The following WT1 variants were observed in gnomAD, a reference collection of about 807,000 sequenced individuals.
The protein encoded by WT1 is WT1 transcription factor, also known as Wilms tumor protein.
Under a neutral mutation model 60.8 loss-of-function variants are expected in WT1, and 8 were observed. That is an observed-to-expected ratio of 0.13 (90% confidence interval 0.08 to 0.24). The LOEUF (loss-of-function observed/expected upper bound fraction) is 0.24, where lower values mean the gene tolerates loss of function less well. Ranked by LOEUF, WT1 falls within the 10% of genes least tolerant of loss-of-function variation. WT1 has a pLI of 1.00. For synonymous variants in WT1, 312 were observed against 297.1 expected (o/e 1.05, Z -0.52); for missense variants, 568 against 711.8 (o/e 0.80, Z 2.30).
At chr11:32,434,129 T>C (rs559922909) in intron 1 of WT1, among the ~76,000 whole-genome samples, 1 of 152,226 alleles carries the variant, frequency 6.6e-6, no homozygotes, top group Non-Finnish European at 1.5e-5. Context: ...TTACTGGAGG[T>C]GCATGTGCTC....
rs12293603 is a variant in WT1, at chr11:32,425,155, C to T, written c.887+2801G>A. 2.8e-4 allele frequency among the ~76,000 whole-genome samples: 38 copies of T among 137,916 alleles called. No individual in the cohort carries two copies. The South Asian group carries it at 7.9e-3, about 29-fold the overall frequency. The allele number at this position is 137,916 out of a possible 152,430, so 90.5% of individuals were successfully genotyped here. On this transcript the variant is annotated intron_variant, in intron 3 of 9. Transcript: ENST00000452863. ...TTGTGCCACTGCACTCCAGCCTGGG[C>T]GACAGAGTGAGACTGTCTCGAAAAG...
intron 3 of WT1, among the ~76,000 whole-genome samples, chr11:32,424,137 T>TG (rs1449987026): frequency 1.6e-5 from 2 of 128,890 alleles, no homozygotes. Flanking sequence ...ACTCCAGCCT[T>TG]GCAACAGAGC....
At chr11:32,428,804 G>A (rs1347589817) in intron 1 of WT1, 185 bp from the exon 2 acceptor site, 1 of 852,478 alleles carries the variant, frequency 1.2e-6, no homozygotes, top group Middle Eastern at 3.4e-4. Flanking sequence ...GTCCCTGGAT[G>A]TGACCTTGGG....
intron 6 of WT1, among the ~76,000 whole-genome samples, chr11:32,399,236 A>G (rs1214828644): frequency 6.6e-6 from 1 of 151,732 alleles, no homozygotes; most frequent in Non-Finnish European, 1.5e-5. Flanking sequence ...GAACAGGTGG[A>G]GTGTAGGGAA....
intron 3 of WT1, among the ~76,000 whole-genome samples, chr11:32,427,228 G>A (rs1402550354): frequency 2.0e-5 from 3 of 152,246 alleles, no homozygotes; most frequent in South Asian, 2.1e-4. Context: ...GCGGGCGGCC[G>A]GCCAAGTTCA....
chr11:32,422,861 GA>G (rs1564991097), intron 3 of WT1, among the ~76,000 whole-genome samples: 28 of 152,294 alleles, frequency 1.8e-4, no homozygotes, highest in Non-Finnish European at 1.5e-5. Flanking sequence ...TGCTAAAGAA[GA>G]ATATGCAAAC....
Position 32,428,628 on chromosome 11 carries a change from G to A in WT1, c.662-9C>T, listed in dbSNP as rs1853152535. On this transcript the variant is annotated splice_polypyrimidine_tract_variant and intron_variant, in intron 1 of 9. Coordinates refer to ENST00000452863, the MANE Select transcript of WT1 (RefSeq NM_024426.6). ...GGTGACCGTGCTGTAACCTGCGGGA[G>A]CGGCGGAGAGAAGCACAGTGTCAGC... 1.2e-6 allele frequency: 2 copies of A among 1,611,940 alleles called. No individual in the cohort carries two copies. The highest frequency in any genetic ancestry group is 8.5e-7 in the Non-Finnish European group (1 of 1,179,906).
At chr11:32,416,631 C>G in intron 4 of WT1, 91 bp from the exon 5 acceptor site, 3 of 1,474,428 alleles carry the variant, frequency 2.0e-6, no homozygotes, top group Non-Finnish European at 2.8e-6. Flanking sequence ...AAAAGCCCCT[C>G]AATACACAGA....
intron 6 of WT1, among the ~76,000 whole-genome samples, chr11:32,398,828 C>T (rs1001232404): frequency 2.7e-5 from 4 of 150,604 alleles, no homozygotes; most frequent in Admixed American, 6.7e-5. Flanking sequence ...CCTGAAAATG[C>T]TACATCTAGT....
chr11:32,433,295 G>C (rs1171402059), intron 1 of WT1, among the ~76,000 whole-genome samples: 1 of 152,218 alleles, frequency 6.6e-6, no homozygotes, highest in African/African-American at 2.4e-5. Flanking sequence ...GTCTGCTTGC[G>C]GTTCCTCCAC....
intron 3 of WT1, among the ~76,000 whole-genome samples, chr11:32,424,339 A>G (rs1263169456): frequency 6.6e-6 from 1 of 152,156 alleles, no homozygotes; most frequent in Non-Finnish European, 1.5e-5. Context: ...TGAGCAAGTT[A>G]CTTTGAGACT....
In WT1 at chr11:32,435,482, G is replaced by C. The variant is rs541850548; in HGVS notation, c.-122C>G. 7.0e-7 allele frequency: 1 copy of C among 1,429,328 alleles called. No individual in the cohort carries two copies. The highest frequency in any genetic ancestry group is 1.4e-5 in the South Asian group (1 of 72,404). 88.5% of individuals were successfully genotyped at this position (1,429,328 alleles called of 1,614,324 possible). ...GAAGTGGGGGAGCGGACAGGCGGTC[G>C]GGTTGCGGAGAGCCCCCGGGTGTGG... is the stretch of plus-strand genomic sequence containing the variant. On this transcript the variant is annotated 5_prime_UTR_variant, in exon 1 of 10. Transcript: ENST00000452863.
chr11:32,399,863 A>C, intron 6 of WT1, 85 bp downstream of exon 6: 1 of 1,427,858 alleles, frequency 7.0e-7, no homozygotes, highest in Non-Finnish European at 9.8e-7. Flanking sequence ...AGGGCCAAAG[A>C]GTCCATCAGT....
At chr11:32,430,382 G>C in intron 1 of WT1, 1 of 1,252,334 alleles carries the variant, frequency 8.0e-7, no homozygotes, top group Non-Finnish European at 1.1e-6. Context: ...AGTGAAGGCC[G>C]AATTTCTGAA....
chr11:32,405,994 G>A (rs1196680852), intron 5 of WT1, among the ~76,000 whole-genome samples: 2 of 152,176 alleles, frequency 1.3e-5, no homozygotes, highest in Non-Finnish European at 2.9e-5. Flanking sequence ...CCAGCGGGAT[G>A]AATGAAATTA....
intron 1 of WT1, among the ~76,000 whole-genome samples, chr11:32,431,868 G>C (rs762186160): frequency 2.0e-5 from 3 of 152,050 alleles, no homozygotes; most frequent in Non-Finnish European, 4.4e-5. Context: ...CCATCTCAAC[G>C]GTGGGGCCAA....
At chr11:32,413,916 A>G (rs746344476) in intron 5 of WT1, among the ~76,000 whole-genome samples, 11 of 152,200 alleles carry the variant, frequency 7.2e-5, no homozygotes, top group Non-Finnish European at 1.2e-4. Flanking sequence ...GACCTTGGTT[A>G]GATAGCTTAA....
chr11:32,430,231 C>T (rs1853233354), intron 1 of WT1, among the ~76,000 whole-genome samples: 1 of 152,088 alleles, frequency 6.6e-6, no homozygotes, highest in African/African-American at 2.4e-5. Context: ...AGATAACCCC[C>T]GGCCCCGTTA....
At chr11:32,425,484 G>A (rs967836426) in intron 3 of WT1, among the ~76,000 whole-genome samples, 7 of 152,170 alleles carry the variant, frequency 4.6e-5, no homozygotes, top group Non-Finnish European at 8.8e-5. Context: ...AACTTGTTTA[G>A]GAGTAGGAAA....
Sources: gnomAD v4.1 joint callset for allele counts (sites outside exome capture counted in the v4.1 genomes callset) on GRCh38, gnomAD v4.1.1 for gene constraint, MANE v1.5 for transcripts, NCBI Gene and HGNC (gene_info 2026-07-23, HGNC 2026-07-21) for gene names.